Variants in CAMTA1 observed in about 807,000 individuals in gnomAD.
CAMTA1 encodes calmodulin-binding transcription activator 1.
A neutral mutation model predicts 170.9 loss-of-function variants in CAMTA1; 27 were observed. The observed-to-expected ratio is 0.16, with a 90% CI of 0.12 to 0.22. The LOEUF (loss-of-function observed/expected upper bound fraction) is 0.22, where lower values mean the gene tolerates loss of function less well. CAMTA1 is among the 10% of genes least tolerant of loss of function. The pLI, the probability that CAMTA1 is intolerant of heterozygous loss-of-function variation, is 1.00. For synonymous variants in CAMTA1, 833 were observed against 891.5 expected (o/e 0.93, Z 1.17); for missense variants, 1,619 against 2,217.2 (o/e 0.73, Z 5.42).
chr1:7,509,639 C>A (rs530486249), intron 6 of CAMTA1, among the ~76,000 whole-genome samples: 4 of 152,108 alleles, frequency 2.6e-5, no homozygotes, highest in Non-Finnish European at 5.9e-5. Flanking sequence ...CATTATAAAC[C>A]CCATTTCTCA....
intron 3 of CAMTA1, among the ~76,000 whole-genome samples, chr1:6,915,250 C>G (rs1680543054): frequency 6.6e-6 from 1 of 152,156 alleles, no homozygotes; most frequent in South Asian, 2.1e-4. Flanking sequence ...ATGAAGGTTT[C>G]AGAGATTAGA....
chr1:6,787,908 A>C (rs534796776), intron 1 of CAMTA1, among the ~76,000 whole-genome samples: 1 of 152,180 alleles, frequency 6.6e-6, no homozygotes, highest in East Asian at 1.9e-4. Context: ...TGGACAAACG[A>C]CAGGAGATGG....
At chr1:7,079,050 G>A (rs12044473) in intron 3 of CAMTA1, among the ~76,000 whole-genome samples, 37,454 of 152,006 alleles carry the variant, frequency 0.25, 4,730 homozygotes, top group East Asian at 0.33. Flanking sequence ...GTGCACATAG[G>A]GGCTATAAAA....
chr1:7,198,532 G>A (rs1385204088), intron 4 of CAMTA1, among the ~76,000 whole-genome samples: 1 of 151,988 alleles, frequency 6.6e-6, no homozygotes, highest in African/African-American at 2.4e-5. Flanking sequence ...GGGTGCTCCC[G>A]ACATCACCCT....
chr1:7,042,219 A>C (rs977127826), intron 3 of CAMTA1, among the ~76,000 whole-genome samples: 1 of 152,094 alleles, frequency 6.6e-6, no homozygotes, highest in Non-Finnish European at 1.5e-5. Context: ...CTTTCCTTTC[A>C]GTCTCCAGAA....
chr1:7,557,193 AG>A (rs1275503590), intron 6 of CAMTA1, among the ~76,000 whole-genome samples: 5 of 151,982 alleles, frequency 3.3e-5, no homozygotes, highest in Non-Finnish European at 5.9e-5. Flanking sequence ...CTGTAATCCC[AG>A]CTACTCGGGA....
At chr1:7,493,300 T>C (rs562765121) in intron 6 of CAMTA1, among the ~76,000 whole-genome samples, 26 of 105,804 alleles carry the variant, frequency 2.5e-4, no homozygotes, top group Admixed American at 4.0e-4. Context: ...AACACAAACA[T>C]ACAAATGCGC....
chr1:7,125,196 C>T (rs1644862334), intron 4 of CAMTA1, among the ~76,000 whole-genome samples: 1 of 152,182 alleles, frequency 6.6e-6, no homozygotes, highest in South Asian at 2.1e-4. Context: ...TCTCTGACCA[C>T]TTGAATGGGG....
rs1042938351 is a variant in CAMTA1 at position 7,194,310 on chromosome 1, A to G, written c.303-55181A>G. Among the ~76,000 whole-genome samples, 6 of 152,308 alleles carry G rather than the reference A, an allele frequency of 3.9e-5. No homozygotes were observed. In the East Asian group the frequency reaches 1.2e-3, roughly 29 times the overall value. The stretch of plus-strand genomic sequence containing the variant: ...AAAGTTTTCTAGTTACTGTTTTTTA[A>G]TACTTCCTGGTATTCTTAGAGTCCA... On this transcript the variant is annotated intron_variant, in intron 4 of 22. Coordinates refer to ENST00000303635, the MANE Select transcript of CAMTA1 (RefSeq NM_015215.4).
intron 4 of CAMTA1, among the ~76,000 whole-genome samples, chr1:7,159,063 T>A (rs1647055140): frequency 2.1e-5 from 3 of 146,150 alleles, no homozygotes; most frequent in South Asian, 4.2e-4. Flanking sequence ...TTACGTACTA[T>A]TTTTTTTTTA....
intron 7 of CAMTA1, among the ~76,000 whole-genome samples, chr1:7,655,355 TAAAC>T (rs202020289): frequency 0.031 from 4,132 of 131,990 alleles, 176 homozygotes; most frequent in African/African-American, 0.11. Flanking sequence ...CACACACCCT[TAAAC>T]AAACACACCC....
intron 6 of CAMTA1, among the ~76,000 whole-genome samples, chr1:7,599,350 G>A (rs1011057113): frequency 2.0e-5 from 3 of 152,190 alleles, no homozygotes; most frequent in African/African-American, 4.8e-5. Context: ...TAGCCTTGTA[G>A]TATAGTTTAA....
rs1456849698 is a variant in CAMTA1, at chr1:7,104,248, CACACAT to C, written c.302+12883_302+12888del. 7.6e-4 allele frequency among the ~76,000 whole-genome samples: 79 copies of C among 104,082 alleles called. 1 individual carries two copies. The highest frequency in any genetic ancestry group is 3.0e-3 in the South Asian group (10 of 3,346). 68.3% of individuals were successfully genotyped at this position (104,082 alleles called of 152,430 possible). A position where few individuals can be genotyped will look rare whatever the true frequency, so the allele number is the denominator to read the frequency against. ...CACAACTACACACGTGTACACACAA[CACACAT>C]ACACACAACTACATACATGCACACA... On this transcript the variant is annotated intron_variant, in intron 4 of 22. Transcript: ENST00000303635.
At chr1:7,637,252 G>A (rs979336453) in intron 6 of CAMTA1, among the ~76,000 whole-genome samples, 5 of 152,350 alleles carry the variant, frequency 3.3e-5, no homozygotes, top group Admixed American at 6.5e-5. Context: ...GGCAGGATGC[G>A]GCAGTCCTTT....
intron 3 of CAMTA1, among the ~76,000 whole-genome samples, chr1:7,002,943 A>G (rs76896221): frequency 0.018 from 2,756 of 152,320 alleles, 41 homozygotes; most frequent in African/African-American, 0.035. Context: ...GGACAGCGCA[A>G]AGAAGCCATG....
At chr1:6,953,998 T>C (rs1445401099) in intron 3 of CAMTA1, among the ~76,000 whole-genome samples, 1 of 152,174 alleles carries the variant, frequency 6.6e-6, no homozygotes, top group Non-Finnish European at 1.5e-5. Context: ...GCTTGGGTCC[T>C]TGGGGAGGGA....
chr1:7,111,297 G>T (rs991461337), intron 4 of CAMTA1, among the ~76,000 whole-genome samples: 1 of 152,186 alleles, frequency 6.6e-6, no homozygotes, highest in Non-Finnish European at 1.5e-5. Flanking sequence ...ATAGCCACAG[G>T]TTTCGGGGAT....
intron 3 of CAMTA1, among the ~76,000 whole-genome samples, chr1:7,088,593 G>A (rs1014277196): frequency 6.6e-6 from 1 of 152,224 alleles, no homozygotes; most frequent in Non-Finnish European, 1.5e-5. Flanking sequence ...CATAGCAGTA[G>A]GAAGCCCTGT....
chr1:7,389,602 G>A (rs2088458693), intron 5 of CAMTA1: 1 of 152,442 alleles, frequency 6.6e-6, no homozygotes, highest in African/African-American at 2.4e-5. Flanking sequence ...CAGGCCGAAC[G>A]AGGCTCCGTG....
Sources: allele counts gnomAD v4.1 joint callset (sites outside exome capture counted in the v4.1 genomes callset), GRCh38; gene constraint gnomAD v4.1.1; transcripts MANE v1.5; gene names NCBI Gene and HGNC (gene_info 2026-07-23, HGNC 2026-07-21).